The following CADM1 variants were observed in gnomAD, a reference collection of about 807,000 sequenced individuals.
CADM1 encodes cell adhesion molecule 1.
In CADM1, 15 loss-of-function variants were observed where a neutral mutation model predicts 53.1. The ratio of observed to expected loss-of-function variants is 0.28; its 90% CI spans 0.19 to 0.44. The LOEUF (loss-of-function observed/expected upper bound fraction) is 0.44, where lower values mean the gene tolerates loss of function less well. Among genes scored for constraint, CADM1 ranks in the 20% least tolerant of loss-of-function variants. CADM1 has a pLI of 1.00. For missense variants in CADM1, 434 were observed against 611.3 expected (o/e 0.71, Z 3.06); for synonymous variants, 281 against 243.0 (o/e 1.16, Z -1.45).
intron 1 of CADM1, among the ~76,000 whole-genome samples, chr11:115,353,400 G>A (rs1945786853): frequency 6.6e-6 from 1 of 152,154 alleles, no homozygotes; most frequent in Non-Finnish European, 1.5e-5. Context: ...CTGTGGAAGT[G>A]AAGTTTTAAT....
chr11:115,317,310 C>A (rs762867291), intron 1 of CADM1, among the ~76,000 whole-genome samples: 4 of 152,042 alleles, frequency 2.6e-5, no homozygotes, highest in Non-Finnish European at 5.9e-5. Flanking sequence ...GAGATGAACA[C>A]GAAAAATTTA....
intron 1 of CADM1, among the ~76,000 whole-genome samples, chr11:115,399,841 C>T (rs144112437): frequency 6.6e-6 from 1 of 152,114 alleles, no homozygotes; most frequent in African/African-American, 2.4e-5. Flanking sequence ...ATAGCGTTAG[C>T]CAGTTCACAG....
chr11:115,323,283 AGAAATATATAAAATATTGTATCTAT>A lies in CADM1; in HGVS notation c.125-82888_125-82864del. Among the ~76,000 whole-genome samples, 4 of 152,328 alleles carry A rather than the reference AGAAATATATAAAATATTGTATCTAT, an allele frequency of 2.6e-5. No homozygotes were observed. In the South Asian group the frequency reaches 8.3e-4, roughly 32 times the overall value. ...AGCAACTTTTAGTCAACTATTCGGT[AGAAATATATAAAATATTGTATCTAT>A]AATCTTCCAGCACTGTGTGACATTT... On this transcript the variant is annotated intron_variant, in intron 1 of 11. Coordinates refer to ENST00000331581, the MANE Select transcript of CADM1 (RefSeq NM_001301043.2).
chr11:115,467,132 G>A (rs867042290), intron 1 of CADM1, among the ~76,000 whole-genome samples: 9 of 152,186 alleles, frequency 5.9e-5, no homozygotes, highest in Admixed American at 2.6e-4. Context: ...ATGAGAGACC[G>A]GGTGAGAGCT....
intron 1 of CADM1, among the ~76,000 whole-genome samples, chr11:115,434,860 A>ATTTTTTTTTT (rs35368859): frequency 6.0e-5 from 8 of 132,826 alleles, no homozygotes; most frequent in Non-Finnish European, 1.1e-4. Context: ...TATTATTATT[A>ATTTTTTTTTT]TTATTTTTTT....
intron 3 of CADM1, among the ~76,000 whole-genome samples, chr11:115,233,135 T>TTGG (rs1174823667): frequency 6.6e-6 from 1 of 152,132 alleles, no homozygotes; most frequent in African/African-American, 2.4e-5. Context: ...AAGATAGTGT[T>TTGG]TGGTGGTGGT....
At chr11:115,260,373 T>A (rs994661054) in intron 1 of CADM1, among the ~76,000 whole-genome samples, 3 of 152,266 alleles carry the variant, frequency 2.0e-5, no homozygotes, top group Non-Finnish European at 4.4e-5. Flanking sequence ...TCAGGTAATA[T>A]GTCACATCAT....
chr11:115,490,612 C>A (rs1241210984), intron 1 of CADM1, among the ~76,000 whole-genome samples: 1 of 152,002 alleles, frequency 6.6e-6, no homozygotes, highest in Non-Finnish European at 1.5e-5. Flanking sequence ...ATTGGCCAGG[C>A]CGATCTCGAA....
chr11:115,290,297 T>C (rs1337210750), intron 1 of CADM1, among the ~76,000 whole-genome samples: 1 of 152,230 alleles, frequency 6.6e-6, no homozygotes, highest in East Asian at 1.9e-4. Context: ...TGGGTTAGTT[T>C]TTTTTAAAAG....
At chr11:115,428,279 G>A (rs1947948661) in intron 1 of CADM1, among the ~76,000 whole-genome samples, 1 of 152,022 alleles carries the variant, frequency 6.6e-6, no homozygotes. Flanking sequence ...TTAGAAAAAA[G>A]TCAACTTTAC....
chr11:115,491,946 T>C (rs1338204060), intron 1 of CADM1, among the ~76,000 whole-genome samples: 1 of 152,002 alleles, frequency 6.6e-6, no homozygotes, highest in Non-Finnish European at 1.5e-5. Context: ...ACACCTGTAA[T>C]GGGGTGAGGG....
At chr11:115,284,112 CTCTGTGTGTGTGTG>C (rs1943663905) in intron 1 of CADM1, among the ~76,000 whole-genome samples, 1 of 129,316 alleles carries the variant, frequency 7.7e-6, no homozygotes, top group South Asian at 2.4e-4. Context: ...CTCTCTCTCT[CTCTGTGTGTGTGTG>C]TGTGTGTGTG....
At chr11:115,273,172 G>C (rs1486700091) in intron 1 of CADM1, among the ~76,000 whole-genome samples, 1 of 152,140 alleles carries the variant, frequency 6.6e-6, no homozygotes, top group African/African-American at 2.4e-5. Flanking sequence ...AAACTGTTTT[G>C]ATCTATTAAG....
intron 1 of CADM1, among the ~76,000 whole-genome samples, chr11:115,260,212 G>T (rs775261219): frequency 6.6e-6 from 1 of 152,188 alleles, no homozygotes; most frequent in African/African-American, 2.4e-5. Flanking sequence ...TTACAGGCAT[G>T]AGCCACCATG....
chr11:115,459,254 A>T (rs1464659415), intron 1 of CADM1, among the ~76,000 whole-genome samples: 3 of 152,176 alleles, frequency 2.0e-5, no homozygotes, highest in Non-Finnish European at 4.4e-5. Context: ...ATCTTACTGC[A>T]GATTACTCTC....
At chr11:115,419,224 C>T (rs1409196895) in intron 1 of CADM1, among the ~76,000 whole-genome samples, 1 of 152,186 alleles carries the variant, frequency 6.6e-6, no homozygotes, top group African/African-American at 2.4e-5. Flanking sequence ...TTTTGCTTTT[C>T]TCTAGTTCCT....
intron 1 of CADM1, among the ~76,000 whole-genome samples, chr11:115,335,422 T>C (rs1052195423): frequency 3.3e-5 from 5 of 152,152 alleles, no homozygotes; most frequent in African/African-American, 1.2e-4. Flanking sequence ...CCATTGTTTA[T>C]GTTGAAGTAT....
In CADM1 at chr11:115,174,342, T is replaced by C. The variant is rs1283150826; in HGVS notation, c.*2132A>G. 2.0e-6 allele frequency: 2 copies of C among 985,356 alleles called. No homozygotes were observed. Among genetic ancestry groups the C allele is most frequent in the East Asian group, 1.1e-4 (1 of 8,824 alleles). The allele number at this position is 985,356 out of a possible 1,614,324, so 61.0% of individuals were successfully genotyped here. ...ACTGAAAAAAAACCTTTCAACAACATGCTAAATGATTCTCACCCTTTGATA... is the reference window on the plus strand; with the variant it reads ...ACTGAAAAAAAACCTTTCAACAACACGCTAAATGATTCTCACCCTTTGATA... On this transcript the variant is annotated 3_prime_UTR_variant, in exon 12 of 12. Transcript: ENST00000331581.
intron 1 of CADM1, among the ~76,000 whole-genome samples, chr11:115,361,890 T>TTTTTG (rs541768138): frequency 0.016 from 1,385 of 86,882 alleles, 11 homozygotes; most frequent in Non-Finnish European, 0.026. Flanking sequence ...CACACCCGAG[T>TTTTTG]TTTTGTTTTG....
Sources: allele counts gnomAD v4.1 joint callset (sites outside exome capture counted in the v4.1 genomes callset), GRCh38; gene constraint gnomAD v4.1.1; transcripts MANE v1.5; gene names NCBI Gene and HGNC (gene_info 2026-07-23, HGNC 2026-07-21).